RABGAP1: variants seen among roughly 807,000 people sequenced by gnomAD.
RABGAP1 encodes RAB GTPase activating protein 1.
A neutral mutation model predicts 137.6 loss-of-function variants in RABGAP1; 23 were observed. The ratio of observed to expected loss-of-function variants is 0.17; its 90% confidence interval spans 0.12 to 0.24. The LOEUF is 0.24. Ranked by LOEUF, RABGAP1 falls within the 10% of genes least tolerant of loss-of-function variation. The pLI is 1.00. For missense variants in RABGAP1, 906 were observed against 1,275.8 expected, an observed-to-expected ratio of 0.71 and a Z score of 4.42; for synonymous variants, 451 against 450.7, an observed-to-expected ratio of 1.00 and a Z score of -0.01.
At chr9:123,037,960 C>G (rs750420972) in intron 13 of RABGAP1, among the ~76,000 whole-genome samples, 17 of 152,082 alleles carry the variant, frequency 1.1e-4, no homozygotes, top group Non-Finnish European at 2.2e-4. Flanking sequence ...GCTCATTTAA[C>G]TTTATATGGC....
At chr9:122,945,378 A>T (rs908017729) in intron 1 of RABGAP1, 1 of 152,062 alleles carries the variant, frequency 6.6e-6, no homozygotes, top group Non-Finnish European at 1.5e-5. Context: ...ATTAGTTTAT[A>T]CAATGTGGCC....
intron 17 of RABGAP1, among the ~76,000 whole-genome samples, chr9:123,075,460 A>G (rs912489052): frequency 6.6e-6 from 1 of 152,238 alleles, no homozygotes; most frequent in Non-Finnish European, 1.5e-5. Flanking sequence ...ATTTGTATCT[A>G]CCACTCAGCT....
chr9:122,990,195 A>T lies in RABGAP1; in HGVS notation c.905A>T (p.Asp302Val), dbSNP rs1564383232. ...FSVSLEIKEDDGKGYFSAVPK... is the reference protein window; with the variant it reads ...FSVSLEIKEDVGKGYFSAVPK... ...GTGTCTTTAGAAATAAAAGAAGATG[A>T]TGGTAAAGGTTATTTTAGGTAGGGA... Residue 302 changes from aspartate to valine, a missense_variant, in exon 6 of 26, where the codon GAT becomes GTT. This residue lies in a region of RABGAP1 where 331 missense variants were observed against 358.3 expected (regional missense o/e 0.92). Transcript: ENST00000373647. The T allele has an allele frequency of 6.2e-7, 1 of 1,607,906 alleles. No homozygotes were observed. The highest frequency in any genetic ancestry group is 2.2e-5 in the East Asian group (1 of 44,736).
intron 13 of RABGAP1, among the ~76,000 whole-genome samples, chr9:123,025,586 C>T (rs1260034345): frequency 6.3e-5 from 5 of 78,968 alleles, no homozygotes; most frequent in Non-Finnish European, 1.1e-4. Flanking sequence ...GAATTGCCTT[C>T]ATAGGGATCT....
At chr9:122,965,100 A>C (rs938430852) in intron 2 of RABGAP1, among the ~76,000 whole-genome samples, 1 of 152,236 alleles carries the variant, frequency 6.6e-6, no homozygotes, top group Non-Finnish European at 1.5e-5. Flanking sequence ...AAAGAACTAA[A>C]CCATCAACTG....
intron 11 of RABGAP1, among the ~76,000 whole-genome samples, chr9:123,012,961 T>C (rs2030935830): frequency 6.6e-6 from 1 of 152,182 alleles, no homozygotes; most frequent in Non-Finnish European, 1.5e-5. Context: ...TTCTTACCCA[T>C]AAGACATTTG....
intron 10 of RABGAP1, among the ~76,000 whole-genome samples, chr9:123,005,664 G>A (rs1014787083): frequency 1.3e-5 from 2 of 152,190 alleles, no homozygotes; most frequent in African/African-American, 4.8e-5. Flanking sequence ...GTCTGCTATT[G>A]ATGGACACTT....
intron 11 of RABGAP1, 70 bp from the exon 12 acceptor site, chr9:123,015,473 A>G (rs2031157997): frequency 7.2e-6 from 7 of 972,726 alleles, no homozygotes; most frequent in Non-Finnish European, 1.1e-5. Context: ...TTTGACTCTT[A>G]ACATTCCAGT....
chr9:123,104,830 T>TAAC lies in RABGAP1; in HGVS notation c.*1619_*1621dup. 6.6e-6 allele frequency: 1 copy of TAAC among 152,386 alleles called. No homozygotes were observed. The highest frequency in any genetic ancestry group is 1.9e-4 in the East Asian group (1 of 5,196). 9.4% of individuals were successfully genotyped at this position (152,386 alleles called of 1,614,324 possible). Reference sequence around the variant, plus strand: ...ACTGTTTCTTTTGTTGGTTTTATTTTAACAGCATATTGATTAAATATTTTG... The same window carrying TAAC: ...ACTGTTTCTTTTGTTGGTTTTATTTTAACAACAGCATATTGATTAAATATTTTG... On this transcript the variant is annotated 3_prime_UTR_variant, in exon 26 of 26. Coordinates refer to ENST00000373647, the MANE Select transcript of RABGAP1 (RefSeq NM_012197.4).
intron 1 of RABGAP1, among the ~76,000 whole-genome samples, chr9:122,945,147 C>CTTTTGTTTTTTTTTTTTTTTTTTTT (rs1833873274): frequency 1.3e-5 from 1 of 75,772 alleles, no homozygotes; most frequent in Non-Finnish European, 2.9e-5. Flanking sequence ...ATAGCTGTTG[C>CTTTTGTTTTTTTTTTTTTTTTTTTT]TTTTTTTTTT....
At chr9:123,021,738 A>G (rs1277796573) in intron 13 of RABGAP1, among the ~76,000 whole-genome samples, 2 of 152,128 alleles carry the variant, frequency 1.3e-5, no homozygotes, top group African/African-American at 2.4e-5. Context: ...TTTTGTTTCA[A>G]TAAGTATTCT....
At chr9:123,084,177 T>C (rs1039269123) in intron 19 of RABGAP1, among the ~76,000 whole-genome samples, 3 of 152,218 alleles carry the variant, frequency 2.0e-5, no homozygotes, top group African/African-American at 7.2e-5. Context: ...CAATAAGTTG[T>C]TTTGAGAAGT....
chr9:123,056,628 C>A (rs1445474961), intron 13 of RABGAP1, among the ~76,000 whole-genome samples: 2 of 151,326 alleles, frequency 1.3e-5, no homozygotes, highest in Admixed American at 1.3e-4. Flanking sequence ...GACCCTGCGG[C>A]CTTCCGCAGT....
chr9:123,041,204 C>T (rs1167558178), intron 13 of RABGAP1, among the ~76,000 whole-genome samples: 3 of 152,042 alleles, frequency 2.0e-5, no homozygotes, highest in African/African-American at 7.2e-5. Flanking sequence ...TGTTATTAAC[C>T]CCATTATACA....
chr9:122,975,667 G>C (rs1272050437), intron 2 of RABGAP1, among the ~76,000 whole-genome samples: 1 of 152,182 alleles, frequency 6.6e-6, no homozygotes, highest in Admixed American at 6.5e-5. Context: ...AAAGAGCTGA[G>C]AGTGGGGTGG....
intron 19 of RABGAP1, among the ~76,000 whole-genome samples, chr9:123,085,461 T>TA (rs1486067180): frequency 2.6e-5 from 4 of 152,210 alleles, no homozygotes; most frequent in Admixed American, 2.6e-4. Flanking sequence ...AACCCAATCT[T>TA]ATGCTAAGTA....
intron 13 of RABGAP1, chr9:123,029,557 T>C (rs2032182719): frequency 1.3e-6 from 1 of 766,542 alleles, no homozygotes; most frequent in Admixed American, 1.7e-5. Flanking sequence ...GAGTTATAAG[T>C]TTATAGTTGG....
At chr9:122,994,187 A>G (rs1291431395) in intron 6 of RABGAP1, among the ~76,000 whole-genome samples, 1 of 152,214 alleles carries the variant, frequency 6.6e-6, no homozygotes, top group African/African-American at 2.4e-5. Context: ...TTATTAGACC[A>G]GAAATATGAT....
chr9:123,002,373 T>A lies in RABGAP1; in HGVS notation c.1374+3607T>A, dbSNP rs942339726. Among the ~76,000 whole-genome samples, 19 of 149,002 alleles carry A rather than the reference T, an allele frequency of 1.3e-4. No homozygotes were observed. In the East Asian group the frequency reaches 2.3e-3, roughly 18 times the overall value. ...TATTTTTATTATATATATATATTTT[T>A]TTTTTACTTACTGGCCTGAGAATAG... On this transcript the variant is annotated intron_variant, in intron 10 of 25. Coordinates refer to ENST00000373647, the MANE Select transcript of RABGAP1 (RefSeq NM_012197.4).
Sources: gnomAD v4.1 joint callset for allele counts (sites outside exome capture counted in the v4.1 genomes callset) on GRCh38, gnomAD v4.1.1 for gene constraint, gnomAD v4.1.1 regional missense constraint, MANE v1.5 for transcripts, NCBI Gene and HGNC (gene_info 2026-07-23, HGNC 2026-07-21) for gene names.